The following GALNT17 variants were observed in gnomAD, a reference collection of about 807,000 sequenced individuals.
GALNT17 encodes polypeptide N-acetylgalactosaminyltransferase 17.
A neutral mutation model predicts 63.7 loss-of-function variants in GALNT17; 29 were observed. The ratio of observed to expected loss-of-function variants is 0.46; its 90% CI spans 0.34 to 0.62. The LOEUF is 0.62. GALNT17 is among the 20% of genes least tolerant of loss of function. The pLI is 0.01. For missense variants in GALNT17, 603 were observed against 799.6 expected (o/e 0.75, Z 2.97); for synonymous variants, 305 against 318.3 (o/e 0.96, Z 0.45).
At chr7:71,543,897 A>C (rs913002046) in intron 5 of GALNT17, among the ~76,000 whole-genome samples, 49 of 150,374 alleles carry the variant, frequency 3.3e-4, no homozygotes, top group Non-Finnish European at 5.9e-4. Flanking sequence ...GATTCAAGAG[A>C]TTCTTCTGCC....
intron 2 of GALNT17, among the ~76,000 whole-genome samples, chr7:71,384,293 C>T (rs1792899466): frequency 1.3e-5 from 2 of 152,136 alleles, no homozygotes; most frequent in African/African-American, 2.4e-5. Context: ...GCACATCCCA[C>T]GTCCGCATGG....
chr7:71,508,726 C>T (rs964854969), intron 5 of GALNT17, among the ~76,000 whole-genome samples: 2 of 152,046 alleles, frequency 1.3e-5, no homozygotes, highest in African/African-American at 2.4e-5. Context: ...CCCTGGAGGG[C>T]GTTTTACTAT....
chr7:71,421,585 G>A (rs1786666144), intron 5 of GALNT17, among the ~76,000 whole-genome samples: 1 of 152,094 alleles, frequency 6.6e-6, no homozygotes, highest in African/African-American at 2.4e-5. Context: ...CTTGCCCCGG[G>A]TCCCACCCAG....
At chr7:71,464,168 G>C (rs890642828) in intron 5 of GALNT17, among the ~76,000 whole-genome samples, 1 of 152,186 alleles carries the variant, frequency 6.6e-6, no homozygotes, top group African/African-American at 2.4e-5. Context: ...GAGACATTAA[G>C]CGTGGGGGAT....
At chr7:71,413,372 TA>T (rs1018870036) in intron 3 of GALNT17, among the ~76,000 whole-genome samples, 11 of 152,098 alleles carry the variant, frequency 7.2e-5, no homozygotes, top group Non-Finnish European at 1.3e-4. Context: ...GTTTTTATTT[TA>T]TTTTTTTTTT....
At chr7:71,589,087 C>T (rs1375123751) in intron 6 of GALNT17, among the ~76,000 whole-genome samples, 2 of 151,984 alleles carry the variant, frequency 1.3e-5, no homozygotes, top group African/African-American at 4.8e-5. Flanking sequence ...ATGGACTGCT[C>T]GGAGAAGGAA....
At chr7:71,137,802 A>T (rs1354811341) in intron 1 of GALNT17, among the ~76,000 whole-genome samples, 7 of 152,188 alleles carry the variant, frequency 4.6e-5, no homozygotes, top group Admixed American at 4.6e-4. Context: ...TAAATGTATG[A>T]TTTCATAACA....
At chr7:71,433,789 C>T (rs1786910621) in intron 5 of GALNT17, among the ~76,000 whole-genome samples, 1 of 152,126 alleles carries the variant, frequency 6.6e-6, no homozygotes. Context: ...TGGGTGTCAA[C>T]TTGATTGGAT....
At chr7:71,690,482 A>G (rs1329382326) in intron 9 of GALNT17, among the ~76,000 whole-genome samples, 1 of 152,236 alleles carries the variant, frequency 6.6e-6, no homozygotes, top group African/African-American at 2.4e-5. Flanking sequence ...CTGATAACAC[A>G]TCATCCATTC....
At chr7:71,538,244 C>T (rs1788831640) in intron 5 of GALNT17, among the ~76,000 whole-genome samples, 1 of 152,132 alleles carries the variant, frequency 6.6e-6, no homozygotes, top group Non-Finnish European at 1.5e-5. Flanking sequence ...GTCTTCTGCT[C>T]CAATTATGTT....
chr7:71,209,998 C>CT (rs1304527820), intron 1 of GALNT17, among the ~76,000 whole-genome samples: 1 of 152,084 alleles, frequency 6.6e-6, no homozygotes, highest in Non-Finnish European at 1.5e-5. Context: ...ACTGAGCTCA[C>CT]TGCAACCTCT....
At chr7:71,212,622 G>T (rs752274368) in intron 1 of GALNT17, among the ~76,000 whole-genome samples, 24 of 152,208 alleles carry the variant, frequency 1.6e-4, no homozygotes, top group East Asian at 3.9e-4. Context: ...CAGCCAGGAG[G>T]GGGGGCTATA....
intron 6 of GALNT17, among the ~76,000 whole-genome samples, chr7:71,651,878 ATT>A (rs1790759326): frequency 6.6e-6 from 1 of 151,900 alleles, no homozygotes; most frequent in Non-Finnish European, 1.5e-5. Flanking sequence ...TGCCCAGCTA[ATT>A]TTTAAATGTT....
intron 5 of GALNT17, among the ~76,000 whole-genome samples, chr7:71,557,316 A>G (rs1437037296): frequency 6.6e-6 from 1 of 152,068 alleles, no homozygotes; most frequent in African/African-American, 2.4e-5. Context: ...TCTTTTTGGA[A>G]CCCTGTCAGT....
At chr7:71,169,316 G>A (rs912395656) in intron 1 of GALNT17, among the ~76,000 whole-genome samples, 1 of 152,000 alleles carries the variant, frequency 6.6e-6, no homozygotes, top group Non-Finnish European at 1.5e-5. Flanking sequence ...TTTTCCTACC[G>A]TGCATCCTGG....
intron 1 of GALNT17, among the ~76,000 whole-genome samples, chr7:71,263,097 T>C (rs2115639219): frequency 6.6e-6 from 1 of 152,262 alleles, no homozygotes; most frequent in Non-Finnish European, 1.5e-5. Flanking sequence ...GAGAGAGGCC[T>C]GCAGAAAGAA....
At chr7:71,392,648 A>G (rs1198865037) in intron 3 of GALNT17, among the ~76,000 whole-genome samples, 2 of 152,170 alleles carry the variant, frequency 1.3e-5, no homozygotes, top group Non-Finnish European at 2.9e-5. Flanking sequence ...GTTCTACATG[A>G]AGATGTTCAG....
intron 1 of GALNT17, among the ~76,000 whole-genome samples, chr7:71,239,296 C>CT (rs1456989245): frequency 8.1e-4 from 33 of 40,650 alleles, no homozygotes; most frequent in Non-Finnish European, 1.6e-3. Flanking sequence ...CCTGTCTGTA[C>CT]CCCCCCCCAA....
At chr7:71,527,147 G>C (rs1205871642) in intron 5 of GALNT17, among the ~76,000 whole-genome samples, 1 of 152,002 alleles carries the variant, frequency 6.6e-6, no homozygotes, top group African/African-American at 2.4e-5. Context: ...TGTTGATGTA[G>C]CTATTCAATA....
Sources: allele counts gnomAD v4.1 joint callset (sites outside exome capture counted in the v4.1 genomes callset), GRCh38; gene constraint gnomAD v4.1.1; transcripts MANE v1.5; gene names NCBI Gene and HGNC (gene_info 2026-07-23, HGNC 2026-07-21).